The following SYMPK variants were observed in gnomAD, a reference collection of about 807,000 sequenced individuals.
SYMPK encodes symplekin scaffold protein.
In SYMPK, 49 loss-of-function variants were observed where a neutral mutation model predicts 136.4. The observed-to-expected ratio is 0.36, with a 90% CI of 0.29 to 0.46. The LOEUF is 0.46. SYMPK is among the 20% of genes least tolerant of loss of function. The pLI is 1.00. For missense variants in SYMPK, 1,365 were observed against 1,690.0 expected, an observed-to-expected ratio of 0.81 and a Z score of 3.37; for synonymous variants, 766 against 713.0, an observed-to-expected ratio of 1.07 and a Z score of -1.19.
In SYMPK at chr19:45,816,808, G is replaced by A; in HGVS notation, c.3248C>T (p.Thr1083Ile). 3.9e-6 allele frequency: 6 copies of A among 1,536,052 alleles called. No homozygotes were observed. Among genetic ancestry groups the A allele is most frequent in the Non-Finnish European group, 4.4e-6 (5 of 1,140,642 alleles). Residue 1083 changes from threonine (T) to isoleucine (I), a missense_variant, in exon 24 of 27, where the codon ACC becomes ATC. Transcript: ENST00000245934. ...EPLLAHVRSFTPHQQAHIPNS... is the reference protein window; with the variant it reads ...EPLLAHVRSFIPHQQAHIPNS... ...GGGGGGAAGGGGTACCTGGTGGGGG[G>A]TGAAGGAGCGGACATGGGCCAGCAG...
chr19:45,830,523 TG>T (rs1157444290), intron 12 of SYMPK: 1 of 305,488 alleles, frequency 3.3e-6, no homozygotes, highest in Non-Finnish European at 6.4e-6. Context: ...AACAGACTTG[TG>T]GGCACGAGTG....
chr19:45,825,210 G>A lies in SYMPK; in HGVS notation c.2451C>T (p.Ala817=), dbSNP rs61733457. The change falls in exon 18 of 27, where the codon GCC becomes GCT. Residue 817 remains alanine (A), a synonymous_variant. Coordinates refer to ENST00000245934, the MANE Select transcript of SYMPK (RefSeq NM_004819.3). ...CCCTCAGCACCGTCCGCTTGATGTCGGCGATGGCTTCAGTGTACACGGCCG... is the reference window on the plus strand; with the variant it reads ...CCCTCAGCACCGTCCGCTTGATGTCAGCGATGGCTTCAGTGTACACGGCCG... ...ELAAVYTEAI[A]DIKRTVLRVI... The A allele has an allele frequency of 4.7e-4, 756 of 1,614,098 alleles. 1 individual carries two copies. In the African/African-American group the frequency reaches 6.9e-3, roughly 15 times the overall value.
chr19:45,839,100 G>A (rs1971375666), intron 9 of SYMPK, among the ~76,000 whole-genome samples: 1 of 152,042 alleles, frequency 6.6e-6, no homozygotes, highest in African/African-American at 2.4e-5. Context: ...TGTTGGCCAG[G>A]CTGGTCTCAA....
intron 12 of SYMPK, chr19:45,830,479 G>A: frequency 5.0e-6 from 2 of 403,912 alleles, no homozygotes; most frequent in Non-Finnish European, 9.3e-6. Flanking sequence ...AATGTCTGGG[G>A]GACCAGCTCT....
chr19:45,851,672 G>T (rs917553806), intron 5 of SYMPK, among the ~76,000 whole-genome samples: 3 of 151,618 alleles, frequency 2.0e-5, no homozygotes, highest in Non-Finnish European at 4.4e-5. Flanking sequence ...TCAGGAGTTT[G>T]AGACCAGCCT....
chr19:45,835,342 C>A (rs977483052), intron 10 of SYMPK, 114 bp from the exon 11 acceptor site: 2 of 1,022,894 alleles, frequency 2.0e-6, no homozygotes, highest in East Asian at 5.1e-5. Context: ...CTTGGGCCTG[C>A]TCTCCTGGGG....
At chr19:45,851,799 G>A (rs538464476) in intron 5 of SYMPK, among the ~76,000 whole-genome samples, 15 of 152,200 alleles carry the variant, frequency 9.9e-5, no homozygotes, top group East Asian at 9.6e-4. Flanking sequence ...GCTTGAACCC[G>A]GAAGTCGGAG....
intron 22 of SYMPK, chr19:45,819,197 C>G (rs576436521): frequency 2.0e-5 from 3 of 152,516 alleles, no homozygotes; most frequent in East Asian, 3.9e-4. Flanking sequence ...CCCCAGCCCC[C>G]CACCTGGGCC....
intron 10 of SYMPK, among the ~76,000 whole-genome samples, chr19:45,838,177 C>T (rs1200480383): frequency 6.6e-6 from 1 of 151,994 alleles, no homozygotes; most frequent in South Asian, 2.1e-4. Flanking sequence ...CCCTGCTCCC[C>T]AACACTCCCT....
At chr19:45,815,762 G>T in intron 26 of SYMPK, 65 bp from the exon 27 acceptor site, 1 of 1,593,042 alleles carries the variant, frequency 6.3e-7, no homozygotes, top group East Asian at 2.3e-5. Flanking sequence ...CTCCCCTTCA[G>T]GCCCTGCCCC....
chr19:45,850,541 T>C (rs1971674513), intron 5 of SYMPK, among the ~76,000 whole-genome samples: 1 of 152,214 alleles, frequency 6.6e-6, no homozygotes, highest in Non-Finnish European at 1.5e-5. Flanking sequence ...TCTGAGCCTG[T>C]TTCCCTTTCT....
rs1166977061 is a variant in SYMPK at position 45,829,060 on chromosome 19, G to T, written c.1895C>A (p.Ala632Asp). ...WLYQEYNAYL[A>D]AGASGSLDKY... ...GTCCAGGGAGCCCGAGGCACCTGCG[G>T]CCAGGTAGGCGTTGTACTCCTGGTA... is the stretch of plus-strand genomic sequence containing the variant. The change falls in exon 14 of 27, where the codon GCC (alanine) becomes GAC (aspartate). Residue 632 changes from alanine to aspartate, a missense_variant. Physicochemically the swap from Ala to Asp is moderately radical, Grantham distance 126 (BLOSUM62 -2). Transcript: ENST00000245934. 2.2e-5 allele frequency: 35 copies of T among 1,614,188 alleles called. No homozygotes were observed. Among genetic ancestry groups the T allele is most frequent in the Non-Finnish European group, 3.0e-5 (35 of 1,180,046 alleles).
chr19:45,827,645 C>A, intron 15 of SYMPK, 22 bp from the exon 16 acceptor site: 1 of 1,601,418 alleles, frequency 6.2e-7, no homozygotes, highest in Non-Finnish European at 8.6e-7. Flanking sequence ...GGAAAGGGAC[C>A]CGAGCTCAGC....
chr19:45,821,525 G>A lies in SYMPK; in HGVS notation c.2792-40C>T, dbSNP rs753731149. ...AGGAAGGGTGGGGGAAGACAGTGCG[G>A]ACGCATAAGTGAAGAGATGGGTCTG... On this transcript the variant is annotated intron_variant, in intron 21 of 26. Transcript: ENST00000245934. This position sits in a 1 kb window ranked among gnomAD's most constrained non-coding sequence, Gnocchi z 4.4. 1 of 1,417,930 alleles carries A rather than the reference G, an allele frequency of 7.1e-7. No homozygotes were observed. The highest frequency in any genetic ancestry group is 2.3e-5 in the East Asian group (1 of 43,798). 87.8% of individuals were successfully genotyped at this position (1,417,930 alleles called of 1,614,324 possible).
intron 8 of SYMPK, 26 bp downstream of exon 8, chr19:45,844,004 G>A: frequency 1.4e-6 from 2 of 1,448,458 alleles, no homozygotes; most frequent in Non-Finnish European, 1.8e-6. Context: ...GAGAAGGCAG[G>A]GGGAGGGGGG....
intron 1 of SYMPK, among the ~76,000 whole-genome samples, chr19:45,858,010 G>T (rs1971875162): frequency 6.6e-6 from 1 of 151,806 alleles, no homozygotes; most frequent in South Asian, 2.1e-4. Flanking sequence ...TGTTGGTCAG[G>T]CTGGTCTCGA....
rs964790318 is a variant in SYMPK, at chr19:45,827,456, C to T, written c.2181+54G>A. On this transcript the variant is annotated intron_variant, in intron 16 of 26. Transcript: ENST00000245934. Reference sequence around the variant, plus strand: ...GTGGGCTGGTTACTCAGGATAGAGGCGGCCTCTGCAAGCTGCAGGCTGAGG... The same window carrying T: ...GTGGGCTGGTTACTCAGGATAGAGGTGGCCTCTGCAAGCTGCAGGCTGAGG... 2.1e-5 allele frequency: 27 copies of T among 1,305,528 alleles called. No individual in the cohort carries two copies. In the Admixed American group the frequency reaches 2.2e-4, roughly 11 times the overall value. The allele number at this position is 1,305,528 out of a possible 1,614,324, so 80.9% of individuals were successfully genotyped here.
In SYMPK at chr19:45,854,165, G is replaced by A. The variant is rs1239328648; in HGVS notation, c.171+10C>T. On this transcript the variant is annotated intron_variant, in intron 3 of 26. Coordinates refer to ENST00000245934, the MANE Select transcript of SYMPK (RefSeq NM_004819.3). ...ACCTGCTCAGCCCAGGATGCCCCCC[G>A]GGCCCTCACCTGTTTGAGCACTGTG... 1.7e-5 allele frequency: 28 copies of A among 1,613,890 alleles called. No homozygotes were observed. Among genetic ancestry groups the A allele is most frequent in the African/African-American group, 9.3e-5 (7 of 74,884 alleles).
intron 1 of SYMPK, among the ~76,000 whole-genome samples, chr19:45,858,214 C>T (rs544957741): frequency 2.0e-4 from 30 of 152,160 alleles, no homozygotes; most frequent in Non-Finnish European, 3.4e-4. Flanking sequence ...TTCCCTGCTG[C>T]CTGTCACCCC....
Sources: gnomAD v4.1 joint callset for allele counts (sites outside exome capture counted in the v4.1 genomes callset) on GRCh38, gnomAD v4.1.1 for gene constraint, Gnocchi (gnomAD v3.1) non-coding constraint, MANE v1.5 for transcripts, NCBI Gene and HGNC (gene_info 2026-07-23, HGNC 2026-07-21) for gene names.